MAPK8IP3: variants seen among roughly 807,000 people sequenced by gnomAD.
The protein encoded by MAPK8IP3 is mitogen-activated protein kinase 8 interacting protein 3.
A neutral mutation model predicts 157.8 loss-of-function variants in MAPK8IP3; 49 were observed. The ratio of observed to expected loss-of-function variants is 0.31; its 90% CI spans 0.25 to 0.39. The LOEUF is 0.39. MAPK8IP3 is among the 10% of genes least tolerant of loss of function. The pLI is 1.00. For synonymous variants in MAPK8IP3, 897 were observed against 777.7 expected (o/e 1.15, Z -2.55); for missense variants, 1,478 against 1,889.4 (o/e 0.78, Z 4.04).
intron 1 of MAPK8IP3, among the ~76,000 whole-genome samples, chr16:1,722,805 C>T (rs899009319): frequency 2.0e-5 from 3 of 151,572 alleles, no homozygotes; most frequent in African/African-American, 2.4e-5. Context: ...CCCAGGTTCA[C>T]GCCATTCTGC....
intron 8 of MAPK8IP3, among the ~76,000 whole-genome samples, chr16:1,749,096 C>T (rs566037459): frequency 2.0e-5 from 3 of 152,320 alleles, no homozygotes; most frequent in South Asian, 4.1e-4. Context: ...AGTACAGACA[C>T]GGCCACCACA....
chr16:1,721,269 G>A (rs1370649452), intron 1 of MAPK8IP3, among the ~76,000 whole-genome samples: 2 of 148,080 alleles, frequency 1.4e-5, no homozygotes, highest in Non-Finnish European at 3.0e-5. Context: ...GGAGGCGGAG[G>A]TTGCGGTGAG....
intron 22 of MAPK8IP3, 31 bp downstream of exon 22, chr16:1,766,440 G>A (rs1393599002): frequency 5.0e-6 from 8 of 1,605,612 alleles, no homozygotes; most frequent in Non-Finnish European, 6.0e-6. Context: ...AGGAGCAGAG[G>A]GAAGGCTTGC....
chr16:1,729,297 C>T (rs2039127319), intron 3 of MAPK8IP3, 89 bp downstream of exon 3: 8 of 1,457,182 alleles, frequency 5.5e-6, no homozygotes, highest in African/African-American at 1.4e-5. Context: ...TGGTTTTCTT[C>T]CCTGGCATGT....
Position 1,763,605 on chromosome 16 carries a change from GTGGGGGCCGC to G in MAPK8IP3, c.1899-50_1899-41del, listed in dbSNP as rs1184131838. The G allele has an allele frequency of 1.1e-4, 164 of 1,461,214 alleles. No individual in the cohort carries two copies. In the African/African-American group the frequency reaches 2.0e-3, roughly 18 times the overall value. The allele number at this position is 1,461,214 out of a possible 1,614,324, so 90.5% of individuals were successfully genotyped here. A position where few individuals can be genotyped will look rare whatever the true frequency, so the allele number is the denominator to read the frequency against. On this transcript the variant is annotated intron_variant, in intron 16 of 31. Coordinates refer to ENST00000610761, the MANE Select transcript of MAPK8IP3 (RefSeq NM_001318852.2). ...TCCCCCAGGACAAGCCTGGGGCACT[GTGGGGGCCGC>G]TCACCCTGGACAGAGACATCACCCA...
Position 1,769,185 on chromosome 16 carries a change from G to C in MAPK8IP3, c.*361G>C. On this transcript the variant is annotated 3_prime_UTR_variant, in exon 32 of 32. Coordinates refer to ENST00000610761, the MANE Select transcript of MAPK8IP3 (RefSeq NM_001318852.2). ...CTCCTACTCCCCAGCACCCCTGGAGGAGGCAGGGGCTCCCCGCCGCCGAGG... is the reference window on the plus strand; with the variant it reads ...CTCCTACTCCCCAGCACCCCTGGAGCAGGCAGGGGCTCCCCGCCGCCGAGG... 1 of 278,140 alleles carries C rather than the reference G, an allele frequency of 3.6e-6. No individual in the cohort carries two copies. The highest frequency in any genetic ancestry group is 7.0e-6 in the Non-Finnish European group (1 of 143,342). 17.2% of individuals were successfully genotyped at this position (278,140 alleles called of 1,614,324 possible). A position where few individuals can be genotyped will look rare whatever the true frequency, so the allele number is the denominator to read the frequency against.
At chr16:1,727,536 CGTGTGAGGTGCTGTGTCTAAGTCGTGT>C (rs1284487623) in intron 2 of MAPK8IP3, among the ~76,000 whole-genome samples, 7 of 151,394 alleles carry the variant, frequency 4.6e-5, no homozygotes, top group South Asian at 2.1e-4. Context: ...CTAAGTCGTG[CGTGTGAGGTGCTGTGTCTAAGTCGTGT>C]GTGTGAGGTG....
intron 8 of MAPK8IP3, among the ~76,000 whole-genome samples, chr16:1,757,938 C>T (rs1454776258): frequency 6.6e-6 from 1 of 152,254 alleles, no homozygotes; most frequent in Non-Finnish European, 1.5e-5. Flanking sequence ...GACCACGGCG[C>T]CTGGGCCTGG....
At chr16:1,707,746 C>A (rs1284834795) in intron 1 of MAPK8IP3, 1 of 152,198 alleles carries the variant, frequency 6.6e-6, no homozygotes, top group Non-Finnish European at 1.5e-5. Flanking sequence ...TAGGCGATCT[C>A]CAAGCCCAGA....
In MAPK8IP3 at chr16:1,765,033, G is replaced by A. The variant is rs1330288764; in HGVS notation, c.2301G>A (p.Met767Ile). 1.2e-6 allele frequency: 2 copies of A among 1,610,044 alleles called. No homozygotes were observed. The highest frequency in any genetic ancestry group is 2.2e-5 in the South Asian group (2 of 91,010). ...AACAGGCCAAGGAGCTCCCTGAAAT[G>A]GACGCCACCTCCAGCCGGGTGTGGA... is the stretch of plus-strand genomic sequence containing the variant. Reference protein sequence around the residue: ...EKKKAKELPEMDATSSRVWIL... With the variant: ...EKKKAKELPEIDATSSRVWIL... Residue 767 changes from methionine (M) to isoleucine (I), a missense_variant, in exon 20 of 32, where the codon ATG becomes ATA. Physicochemically the swap from Met to Ile is conservative, Grantham distance 10. Transcript: ENST00000610761.
At position 1,766,505 on chromosome 16, in the gene MAPK8IP3, CT is replaced by C. The variant is rs532754647; in HGVS notation, c.2820-23del. 1,535 of 1,609,366 alleles carry C rather than the reference CT, an allele frequency of 9.5e-4. 2 individuals are homozygous for C. The highest frequency in any genetic ancestry group is 9.9e-4 in the Non-Finnish European group (1,164 of 1,179,070). Reference sequence around the variant, plus strand: ...GCAGGTGCGTGCTCCGTGGCCCCCCCTGGAGCCACCGTTCTTCCTGCAGCGA... The same window carrying C: ...GCAGGTGCGTGCTCCGTGGCCCCCCCGGAGCCACCGTTCTTCCTGCAGCGA... On this transcript the variant is annotated intron_variant, in intron 22 of 31. Transcript: ENST00000610761.
intron 8 of MAPK8IP3, 100 bp downstream of exon 8, chr16:1,748,820 T>C: frequency 9.3e-7 from 1 of 1,080,102 alleles, no homozygotes; most frequent in Admixed American, 1.7e-5. Flanking sequence ...CTGTCAGCTG[T>C]GAGCTAGGAA....
chr16:1,766,693 C>A (rs760040249), intron 23 of MAPK8IP3, 30 bp from the exon 24 acceptor site: 46 of 1,612,490 alleles, frequency 2.9e-5, no homozygotes, highest in Admixed American at 1.7e-4. Context: ...CCTGGGTGAG[C>A]CCCTCGCCCA....
intron 4 of MAPK8IP3, among the ~76,000 whole-genome samples, chr16:1,730,096 T>C (rs1350467504): frequency 3.6e-5 from 5 of 138,624 alleles, no homozygotes; most frequent in African/African-American, 1.1e-4. Flanking sequence ...TAGCTAAGCA[T>C]GAGGTGGCAC....
intron 1 of MAPK8IP3, among the ~76,000 whole-genome samples, chr16:1,719,479 T>C (rs2038372263): frequency 6.6e-6 from 1 of 152,102 alleles, no homozygotes; most frequent in Admixed American, 6.6e-5. Flanking sequence ...AGATATTAGA[T>C]ACTAGAAAGT....
At position 1,736,054 on chromosome 16, in the gene MAPK8IP3, CCG is replaced by C. The variant is rs2039749054; in HGVS notation, c.602+6477_602+6478del. ...TGTGAGCATCCGTGTGAGCGTGTGA[CCG>C]TCCGTGTGTGTGACCATCCGTGTGA... On this transcript the variant is annotated intron_variant, in intron 4 of 31. Transcript: ENST00000610761. Among the ~76,000 whole-genome samples the C allele has an allele frequency of 4.0e-5, 3 of 74,530 alleles. 1 individual carries two copies. Among genetic ancestry groups the C allele is most frequent in the Admixed American group, 1.5e-4 (1 of 6,670 alleles). The allele number at this position is 74,530 out of a possible 152,430, so 48.9% of individuals were successfully genotyped here. A position where few individuals can be genotyped will look rare whatever the true frequency, so the allele number is the denominator to read the frequency against.
chr16:1,766,324 A>G lies in MAPK8IP3; in HGVS notation c.2734A>G (p.Thr912Ala). The stretch of plus-strand genomic sequence containing the variant: ...AGACCCTGGGCCCAGCGAGCCAGAG[A>G]CAGCCACATTGCGGCCCGGGCCTCT... The part of the protein sequence containing the change: ...VPDPGPSEPE[T>A]ATLRPGPLTE... Residue 912 changes from threonine to alanine, a missense_variant, in exon 22 of 32, where the codon ACA (threonine) becomes GCA (alanine). This residue lies in a region of MAPK8IP3 where 669 missense variants were observed against 759.8 expected (regional missense o/e 0.88). Transcript: ENST00000610761. The G allele has an allele frequency of 1.9e-6, 3 of 1,612,732 alleles. No homozygotes were observed. The highest frequency in any genetic ancestry group is 2.5e-6 in the Non-Finnish European group (3 of 1,179,978).
intron 11 of MAPK8IP3, 107 bp downstream of exon 11, chr16:1,760,122 G>A (rs568603909): frequency 2.6e-5 from 32 of 1,220,686 alleles, no homozygotes; most frequent in African/African-American, 8.9e-5. Context: ...TGGCTCCAAC[G>A]CCAGCAGCTG....
At chr16:1,763,991 C>T (rs1333250660) in intron 17 of MAPK8IP3, 124 bp from the exon 18 acceptor site, 7 of 1,109,712 alleles carry the variant, frequency 6.3e-6, no homozygotes, top group East Asian at 2.6e-5. Context: ...TCCCACGCCC[C>T]CACCTGCCTC....
Sources: gnomAD v4.1 joint callset for allele counts (sites outside exome capture counted in the v4.1 genomes callset) on GRCh38, gnomAD v4.1.1 for gene constraint, gnomAD v4.1.1 regional missense constraint, MANE v1.5 for transcripts, NCBI Gene and HGNC (gene_info 2026-07-23, HGNC 2026-07-21) for gene names.